COA1: variants seen among roughly 807,000 people sequenced by gnomAD.
COA1 encodes cytochrome c oxidase assembly factor 1 homolog.
A neutral mutation model predicts 16.0 loss-of-function variants in COA1; 13 were observed. That is an observed-to-expected ratio of 0.81 (90% CI 0.53 to 1.29). COA1 has a LOEUF of 1.29. Among genes scored for constraint, COA1 ranks in the 50% most tolerant of loss-of-function variants. COA1 has a pLI of 0.00. For missense variants in COA1, 179 were observed against 177.0 expected, an observed-to-expected ratio of 1.01 and a Z score of -0.06; for synonymous variants, 65 against 65.7, an observed-to-expected ratio of 0.99 and a Z score of 0.05.
intron 6 of COA1, among the ~76,000 whole-genome samples, chr7:43,627,952 TTATATCAG>T (rs2084751386): frequency 6.6e-6 from 1 of 152,160 alleles, no homozygotes; most frequent in African/African-American, 2.4e-5. Flanking sequence ...ATGTCGATGC[TTATATCAG>T]CAGTTTGTTG....
chr7:43,624,732 G>C (rs775409686), intron 6 of COA1: 2 of 1,613,992 alleles, frequency 1.2e-6, no homozygotes, highest in Admixed American at 1.7e-5. Context: ...ATATACTCTA[G>C]GACAATGCAG....
At chr7:43,703,699 A>T (rs929839347) in intron 1 of COA1, among the ~76,000 whole-genome samples, 1 of 152,150 alleles carries the variant, frequency 6.6e-6, no homozygotes, top group Non-Finnish European at 1.5e-5. Context: ...CTTACTTGAC[A>T]GGTCTTTCTC....
chr7:43,619,205 T>G (rs4077509), intron 6 of COA1, among the ~76,000 whole-genome samples: 50,980 of 151,798 alleles, frequency 0.34, 9,648 homozygotes, highest in Non-Finnish European at 0.44. Context: ...AGTCAAGGGG[T>G]CAGAAGAGAT....
intron 1 of COA1, among the ~76,000 whole-genome samples, chr7:43,676,718 T>C (rs1328344384): frequency 1.3e-5 from 2 of 152,258 alleles, no homozygotes; most frequent in East Asian, 3.9e-4. Context: ...CTAATTACCA[T>C]GGCTTGATCA....
chr7:43,669,523 G>A (rs2093121664), intron 1 of COA1, among the ~76,000 whole-genome samples: 1 of 152,108 alleles, frequency 6.6e-6, no homozygotes, highest in Admixed American at 6.6e-5. Flanking sequence ...GCTAGGGTGG[G>A]AGGGCCAGTT....
At chr7:43,691,332 AAAGAGAGAGAGGGAGG>A (rs1339006442) in intron 1 of COA1, among the ~76,000 whole-genome samples, 9 of 85,810 alleles carry the variant, frequency 1.0e-4, no homozygotes, top group Non-Finnish European at 2.1e-4. Flanking sequence ...AAAGAAAGAG[AAAGAGAGAGAGGGAGG>A]GAGGGAGGGA....
At chr7:43,610,346 C>CAA (rs138859141) in intron 6 of COA1, among the ~76,000 whole-genome samples, 566 of 40,956 alleles carry the variant, frequency 0.014, 23 homozygotes, top group African/African-American at 0.034. Context: ...GACTCCGTCT[C>CAA]AAAAAAAAAA....
chr7:43,717,736 T>A (rs1188356742), intron 1 of COA1, among the ~76,000 whole-genome samples: 2 of 152,156 alleles, frequency 1.3e-5, no homozygotes, highest in African/African-American at 2.4e-5. Flanking sequence ...CCTATTCAAA[T>A]CTCATCTTGA....
intron 1 of COA1, among the ~76,000 whole-genome samples, chr7:43,652,907 TAC>T (rs1365444152): frequency 6.6e-6 from 1 of 151,710 alleles, no homozygotes; most frequent in African/African-American, 2.4e-5. Context: ...GGAAAGATAG[TAC>T]AGAGAATTAT....
intron 1 of COA1, among the ~76,000 whole-genome samples, chr7:43,721,190 G>A (rs1420455531): frequency 6.6e-6 from 1 of 152,130 alleles, no homozygotes; most frequent in Non-Finnish European, 1.5e-5. Context: ...AATGTATTAA[G>A]GAATACTTTT....
chr7:43,723,305 G>A (rs139051632), intron 1 of COA1, among the ~76,000 whole-genome samples: 23 of 152,234 alleles, frequency 1.5e-4, no homozygotes, highest in Middle Eastern at 3.4e-3. Context: ...ATGGATTGCA[G>A]TACCCACAAT....
chr7:43,682,685 A>G (rs941413412), intron 1 of COA1, among the ~76,000 whole-genome samples: 2 of 152,170 alleles, frequency 1.3e-5, no homozygotes, highest in African/African-American at 4.8e-5. Context: ...GTTCTACTCT[A>G]TCGAGTAAAC....
chr7:43,728,515 G>A (rs2095666496), intron 1 of COA1, among the ~76,000 whole-genome samples: 1 of 152,184 alleles, frequency 6.6e-6, no homozygotes, highest in African/African-American at 2.4e-5. Flanking sequence ...AGACTGGCAT[G>A]GTGGGAGCAT....
At position 43,648,660 on chromosome 7, in the gene COA1, T is replaced by TA; in HGVS notation, c.-38-9dup. 1 of 1,601,554 alleles carries TA rather than the reference T, an allele frequency of 6.2e-7. No homozygotes were observed. Among genetic ancestry groups the TA allele is most frequent in the Non-Finnish European group, 8.5e-7 (1 of 1,170,538 alleles). ...CATCAAAGGCAAGTTGTCCTGCAAT[T>TA]AGAAAAGATTTTACATTAAAATCAT... On this transcript the variant is annotated splice_polypyrimidine_tract_variant and intron_variant, in intron 1 of 5. Transcript: ENST00000223336.
chr7:43,716,373 G>GT (rs1563470994), intron 1 of COA1, among the ~76,000 whole-genome samples: 1 of 152,182 alleles, frequency 6.6e-6, no homozygotes, highest in Non-Finnish European at 1.5e-5. Flanking sequence ...TGAGGAACTT[G>GT]TTGGGAACTG....
chr7:43,631,944 G>A (rs911171219), intron 6 of COA1: 1 of 152,104 alleles, frequency 6.6e-6, no homozygotes, highest in African/African-American at 2.4e-5. Context: ...GCGAGAGGAG[G>A]GTAGGAAAAG....
chr7:43,696,229 A>T lies in COA1; in HGVS notation c.-39+33200T>A, dbSNP rs191981523. The stretch of plus-strand genomic sequence containing the variant: ...TGAAATGAACGGTAAAGAGGCAAAG[A>T]GAAAATGAACCAGCAGGGGAAATGC... On this transcript the variant is annotated intron_variant, in intron 1 of 5. Coordinates refer to ENST00000223336, the MANE Select transcript of COA1 (RefSeq NM_018224.4). Among the ~76,000 whole-genome samples the T allele has an allele frequency of 9.5e-4, 144 of 152,352 alleles. 1 individual carries two copies. The highest frequency in any genetic ancestry group is 3.2e-3 in the African/African-American group (134 of 41,582).
In COA1 at chr7:43,648,512, A is replaced by G. The variant is rs191850478; in HGVS notation, c.15+88T>C. The stretch of plus-strand genomic sequence containing the variant: ...TAAAGACCAGGAGAAGCCCATAACT[A>G]TTCAGGGAGTGACTTTCTTCTATTG... On this transcript the variant is annotated intron_variant, in intron 2 of 5. Transcript: ENST00000223336. The G allele has an allele frequency of 6.4e-4, 877 of 1,366,234 alleles. 5 individuals carry two copies. The African/African-American group carries it at 0.011, about 17-fold the overall frequency. 84.6% of individuals were successfully genotyped at this position (1,366,234 alleles called of 1,614,324 possible). A position where few individuals can be genotyped will look rare whatever the true frequency, so the allele number is the denominator to read the frequency against.
intron 1 of COA1, among the ~76,000 whole-genome samples, chr7:43,707,082 G>C (rs760073968): frequency 1.9e-4 from 29 of 151,892 alleles, no homozygotes; most frequent in Non-Finnish European, 2.9e-4. Flanking sequence ...GCTGAGGCAG[G>C]AGAATTTCTT....
Sources: gnomAD v4.1 joint callset for allele counts (sites outside exome capture counted in the v4.1 genomes callset) on GRCh38, gnomAD v4.1.1 for gene constraint, MANE v1.5 for transcripts, NCBI Gene and HGNC (gene_info 2026-07-23, HGNC 2026-07-21) for gene names.